RGS5: variants seen among roughly 807,000 people sequenced by gnomAD.
The protein encoded by RGS5 is regulator of G protein signaling 5.
A neutral mutation model predicts 18.9 loss-of-function variants in RGS5; 20 were observed. The observed-to-expected ratio is 1.06, with a 90% CI of 0.74 to 1.54. The LOEUF is 1.54. Among genes scored for constraint, RGS5 ranks in the 40% most tolerant of loss-of-function variants. The pLI, the probability that RGS5 is intolerant of heterozygous loss-of-function variation, is 0.00. For synonymous variants in RGS5, 57 were observed against 76.2 expected (o/e 0.75, Z 1.31); for missense variants, 201 against 211.8 (o/e 0.95, Z 0.32).
chr1:163,173,280 T>C (rs1658387214), intron 1 of RGS5, among the ~76,000 whole-genome samples: 1 of 152,212 alleles, frequency 6.6e-6, no homozygotes, highest in African/African-American at 2.4e-5. Context: ...TGTTTTGAAA[T>C]AAAATCAATT....
chr1:163,235,823 T>C (rs886774919), intron 2 of RGS5, among the ~76,000 whole-genome samples: 1 of 152,352 alleles, frequency 6.6e-6, no homozygotes, highest in Middle Eastern at 3.4e-3. Context: ...TATAGTTCAT[T>C]TTACAAGACA....
intron 2 of RGS5, among the ~76,000 whole-genome samples, chr1:163,285,206 AATT>A (rs1649111991): frequency 6.6e-6 from 1 of 152,110 alleles, no homozygotes; most frequent in African/African-American, 2.4e-5. Flanking sequence ...CATATCAGTA[AATT>A]ATTCTGTATT....
At position 163,142,564 on chromosome 1, in the gene RGS5, G is replaced by T. The variant is rs1021801470; in HGVS notation, c.*4778C>A. 3 of 151,816 alleles carry T rather than the reference G, an allele frequency of 2.0e-5. No homozygotes were observed. Among genetic ancestry groups the T allele is most frequent in the African/African-American group, 7.3e-5 (3 of 41,290 alleles). The allele number at this position is 151,816 out of a possible 1,614,324, so 9.4% of individuals were successfully genotyped here. On this transcript the variant is annotated 3_prime_UTR_variant, in exon 5 of 5. Transcript: ENST00000313961. ...CTAGTTGCAACATTAAAAAAAAATA[G>T]CTCCTTCAAATCCTGACACTATATG...
intron 1 of RGS5, among the ~76,000 whole-genome samples, chr1:163,177,417 C>A (rs1658603894): frequency 6.6e-6 from 1 of 152,200 alleles, no homozygotes; most frequent in African/African-American, 2.4e-5. Flanking sequence ...GTCATACAAA[C>A]ATTTTACATG....
At chr1:163,151,425 A>G (rs1411205710) in intron 4 of RGS5, among the ~76,000 whole-genome samples, 1 of 152,204 alleles carries the variant, frequency 6.6e-6, no homozygotes, top group Non-Finnish European at 1.5e-5. Context: ...AGAAATACTC[A>G]TTAGGCATTA....
chr1:163,254,013 G>C (rs867260554), intron 2 of RGS5, among the ~76,000 whole-genome samples: 31 of 151,080 alleles, frequency 2.1e-4, no homozygotes, highest in Middle Eastern at 3.4e-3. Context: ...GTATTCCATG[G>C]TGTATATGTG....
intron 4 of RGS5, 129 bp from the exon 5 acceptor site, chr1:163,147,632 G>A (rs569123386): frequency 2.4e-6 from 2 of 837,196 alleles, no homozygotes; most frequent in Admixed American, 3.2e-5. Flanking sequence ...ACTGAGACAT[G>A]TCACTTCTCA....
At chr1:163,168,160 A>G (rs1007896432) in intron 2 of RGS5, 98 bp downstream of exon 2, 1 of 861,232 alleles carries the variant, frequency 1.2e-6, no homozygotes, top group Non-Finnish European at 1.9e-6. Flanking sequence ...TTAATGAGTA[A>G]TTGAAGGGGG....
At chr1:163,303,636 A>G (rs1306778355) in intron 2 of RGS5, among the ~76,000 whole-genome samples, 2 of 152,172 alleles carry the variant, frequency 1.3e-5, no homozygotes, top group Non-Finnish European at 2.9e-5. Context: ...CAGCTCTATC[A>G]GTCCTTGTTT....
chr1:163,263,575 T>C (rs1056903454), intron 2 of RGS5, among the ~76,000 whole-genome samples: 1 of 152,110 alleles, frequency 6.6e-6, no homozygotes, highest in Non-Finnish European at 1.5e-5. Flanking sequence ...TTGTCATGGA[T>C]GAACTCCAGT....
chr1:163,179,615 T>C (rs561153466), intron 1 of RGS5, among the ~76,000 whole-genome samples: 9 of 152,312 alleles, frequency 5.9e-5, no homozygotes, highest in Admixed American at 5.2e-4. Flanking sequence ...TATTATCAAC[T>C]TAGTCAGTAC....
chr1:163,165,857 G>T (rs1658019333), intron 2 of RGS5, among the ~76,000 whole-genome samples: 1 of 151,436 alleles, frequency 6.6e-6, no homozygotes, highest in African/African-American at 2.4e-5. Context: ...GGTGAGCTGA[G>T]ATCATGCCAT....
At chr1:163,259,334 C>CTT (rs200215455) in intron 2 of RGS5, among the ~76,000 whole-genome samples, 1 of 144,064 alleles carries the variant, frequency 6.9e-6, no homozygotes. Context: ...TTTTTTTTAT[C>CTT]TTTTTTTTTT....
At chr1:163,316,000 T>G (rs938604904) in intron 1 of RGS5, among the ~76,000 whole-genome samples, 1 of 152,220 alleles carries the variant, frequency 6.6e-6, no homozygotes, top group East Asian at 1.9e-4. Flanking sequence ...TGCTGTATAT[T>G]CAAAAGTGTT....
At chr1:163,184,211 A>T (rs1349593727) in intron 1 of RGS5, among the ~76,000 whole-genome samples, 1 of 152,254 alleles carries the variant, frequency 6.6e-6, no homozygotes, top group Non-Finnish European at 1.5e-5. Context: ...GGCTGAGTAC[A>T]CTTTTCTAGA....
chr1:163,292,131 G>A (rs1649305099), intron 2 of RGS5, among the ~76,000 whole-genome samples: 1 of 152,068 alleles, frequency 6.6e-6, no homozygotes, highest in South Asian at 2.1e-4. Flanking sequence ...ATTAAGCCGA[G>A]CATCCATTAG....
intron 1 of RGS5, among the ~76,000 whole-genome samples, chr1:163,317,847 CT>C (rs908637407): frequency 1.9e-3 from 280 of 144,586 alleles, no homozygotes; most frequent in Middle Eastern, 7.2e-3. Context: ...ACTGAACTGC[CT>C]TTTTTTTTTT....
At chr1:163,257,790 C>T (rs953603770) in intron 2 of RGS5, among the ~76,000 whole-genome samples, 1 of 152,144 alleles carries the variant, frequency 6.6e-6, no homozygotes, top group Non-Finnish European at 1.5e-5. Flanking sequence ...TTCTGTCTCC[C>T]ACCTACTTCT....
intron 2 of RGS5, among the ~76,000 whole-genome samples, chr1:163,270,837 A>G (rs958347773): frequency 2.6e-5 from 4 of 152,318 alleles, no homozygotes; most frequent in African/African-American, 9.6e-5. Flanking sequence ...AAGTCAGACA[A>G]TGAGGAAGAA....
Sources: allele counts gnomAD v4.1 joint callset (sites outside exome capture counted in the v4.1 genomes callset), GRCh38; gene constraint gnomAD v4.1.1; transcripts MANE v1.5; gene names NCBI Gene and HGNC (gene_info 2026-07-23, HGNC 2026-07-21).